The following OPRM1 variants were observed in gnomAD, a reference collection of about 807,000 sequenced individuals.
The protein encoded by OPRM1 is opioid receptor mu 1.
In OPRM1, 27 loss-of-function variants were observed where a neutral mutation model predicts 31.8. That is an observed-to-expected ratio of 0.85 (90% CI 0.63 to 1.17). The LOEUF is 1.17. Ranked by LOEUF, OPRM1 falls within the 50% of genes most tolerant of loss-of-function variation. The pLI, the probability that OPRM1 is intolerant of heterozygous loss-of-function variation, is 0.00. For missense variants in OPRM1, 536 were observed against 511.1 expected (o/e 1.05, Z -0.47); for synonymous variants, 196 against 189.9 (o/e 1.03, Z -0.26).
chr6:154,039,239 C>A (rs755233900), upstream of OPRM1: 7 of 1,551,632 alleles, frequency 4.5e-6, no homozygotes, highest in South Asian at 1.2e-5. Flanking sequence ...CCTTTTCCCT[C>A]CTCCCTCCCT....
rs902465189 is a variant in OPRM1, at chr6:154,088,404, T to A, written c.291-1422T>A. On this transcript the variant is annotated intron_variant, in intron 1 of 3. Coordinates refer to ENST00000330432, the MANE Select transcript of OPRM1 (RefSeq NM_000914.5). ...CTTTTGGGAGCAATTGATGTCATTA[T>A]CTTCATCAGAGGTTGACATTTTTTT... 4.6e-5 allele frequency among the ~76,000 whole-genome samples: 7 copies of A among 152,354 alleles called. No homozygotes were observed. In the East Asian group the frequency reaches 1.3e-3, roughly 29 times the overall value.
intron 3 of OPRM1, chr6:154,167,838 G>T: frequency 9.5e-7 from 1 of 1,048,206 alleles, no homozygotes; most frequent in South Asian, 1.8e-5. Context: ...AACATGCTGT[G>T]ATTAGCAAGA....
intron 1 of OPRM1, among the ~76,000 whole-genome samples, chr6:154,032,300 A>T (rs909476148): frequency 1.3e-5 from 2 of 152,222 alleles, no homozygotes; most frequent in Non-Finnish European, 2.9e-5. Flanking sequence ...CTTATAAAGT[A>T]AGCACTATGG....
At chr6:154,084,404 C>T (rs1789983243) in intron 1 of OPRM1, among the ~76,000 whole-genome samples, 1 of 151,530 alleles carries the variant, frequency 6.6e-6, no homozygotes, top group African/African-American at 2.4e-5. Context: ...TAGAACCTCC[C>T]CCCCCAACAG....
intron 3 of OPRM1, among the ~76,000 whole-genome samples, chr6:154,179,043 C>G (rs1389235968): frequency 1.3e-5 from 2 of 152,180 alleles, no homozygotes; most frequent in Non-Finnish European, 2.9e-5. Context: ...CCCAGGTCCA[C>G]GACCCAGTCA....
intron 3 of OPRM1, among the ~76,000 whole-genome samples, chr6:154,245,407 G>A (rs1042219695): frequency 6.6e-6 from 1 of 152,158 alleles, no homozygotes; most frequent in South Asian, 2.1e-4. Flanking sequence ...CTTATTCCCA[G>A]CACTGGAATT....
intron 3 of OPRM1, among the ~76,000 whole-genome samples, chr6:154,212,261 A>C (rs1184778046): frequency 6.6e-6 from 1 of 152,180 alleles, no homozygotes; most frequent in African/African-American, 2.4e-5. Flanking sequence ...GCTTAGAATC[A>C]AATTTGAATT....
At chr6:154,167,877 C>T in intron 3 of OPRM1, 1 of 1,438,518 alleles carries the variant, frequency 7.0e-7, no homozygotes, top group Non-Finnish European at 9.6e-7. Context: ...CCGTTCCTTG[C>T]CCCACATCCA....
At chr6:154,138,185 C>T (rs947739308) in intron 3 of OPRM1, among the ~76,000 whole-genome samples, 1 of 151,976 alleles carries the variant, frequency 6.6e-6, no homozygotes, top group Non-Finnish European at 1.5e-5. Context: ...GTTTCTGCCA[C>T]TGCAAAGTCT....
intron 3 of OPRM1, among the ~76,000 whole-genome samples, chr6:154,110,693 C>G (rs1356493194): frequency 6.6e-6 from 1 of 151,962 alleles, no homozygotes; most frequent in East Asian, 1.9e-4. Flanking sequence ...TCGAGATCAT[C>G]CTGGCTAACA....
intron 1 of OPRM1, among the ~76,000 whole-genome samples, chr6:154,068,358 C>T (rs914572187): frequency 6.6e-6 from 1 of 152,102 alleles, no homozygotes; most frequent in African/African-American, 2.4e-5. Context: ...ATCTATATAA[C>T]CTCAACCCCA....
In OPRM1 at chr6:154,203,140, A is replaced by G. The variant is rs140884973; in HGVS notation, c.1165-43553A>G. On this transcript the variant is annotated intron_variant, in intron 3 of 3. Transcript: ENST00000337049. ...AACTCTTAGCTCACTGCCTTCTGTG[A>G]ACCATCTGTGCAACATACTCATAAA... Among the ~76,000 whole-genome samples, 96 of 152,296 alleles carry G rather than the reference A, an allele frequency of 6.3e-4. 1 individual carries two copies. The East Asian group carries it at 0.018, about 29-fold the overall frequency.
chr6:154,223,910 A>G (rs1180639282), intron 3 of OPRM1, among the ~76,000 whole-genome samples: 1 of 152,250 alleles, frequency 6.6e-6, no homozygotes, highest in Non-Finnish European at 1.5e-5. Flanking sequence ...TGCATAAGAA[A>G]ATTATATTTA....
intron 3 of OPRM1, among the ~76,000 whole-genome samples, chr6:154,098,668 G>A (rs1793821900): frequency 1.3e-5 from 2 of 152,126 alleles, no homozygotes; most frequent in Non-Finnish European, 2.9e-5. Context: ...TCACAAACCA[G>A]CTGTTAACTT....
intron 3 of OPRM1, among the ~76,000 whole-genome samples, chr6:154,245,666 A>G (rs1289590631): frequency 6.6e-6 from 1 of 152,214 alleles, no homozygotes; most frequent in Non-Finnish European, 1.5e-5. Context: ...GCTTATAAGC[A>G]ACTCCTAAGT....
At chr6:154,107,810 G>C (rs936324227) in intron 3 of OPRM1, 6 of 718,142 alleles carry the variant, frequency 8.4e-6, no homozygotes, top group Non-Finnish European at 1.6e-5. Context: ...GGGGCTTACA[G>C]GTGTTCCAAG....
intron 1 of OPRM1, among the ~76,000 whole-genome samples, chr6:154,052,450 A>G (rs1354465572): frequency 6.6e-6 from 1 of 152,254 alleles, no homozygotes; most frequent in Non-Finnish European, 1.5e-5. Context: ...CATAGACAAC[A>G]CATAGATGAA....
At position 154,195,021 on chromosome 6, in the gene OPRM1, C is replaced by T. The variant is rs1776471181; in HGVS notation, c.1165-51672C>T. Among the ~76,000 whole-genome samples, 3 of 149,448 alleles carry T rather than the reference C, an allele frequency of 2.0e-5. No individual in the cohort carries two copies. In the South Asian group the frequency reaches 6.2e-4, roughly 31 times the overall value. On this transcript the variant is annotated intron_variant, in intron 3 of 3. Coordinates refer to the OPRM1 transcript ENST00000337049. ...AGGCATGCTGCAGAACCCCTCATCT[C>T]CCCTTCCTTCCCGTCTCCACTGCCA...
intron 3 of OPRM1, chr6:154,246,459 A>G (rs946878086): frequency 9.2e-7 from 1 of 1,086,636 alleles, no homozygotes; most frequent in African/African-American, 1.6e-5. Context: ...AATGGCTTCT[A>G]TAACTTATTT....
Sources: allele counts gnomAD v4.1 joint callset (sites outside exome capture counted in the v4.1 genomes callset), GRCh38; gene constraint gnomAD v4.1.1; transcripts MANE v1.5; gene names NCBI Gene and HGNC (gene_info 2026-07-23, HGNC 2026-07-21).